AK5: variants seen among roughly 807,000 people sequenced by gnomAD.
AK5 encodes the protein adenylate kinase 5.
AK5 carries 27 observed loss-of-function variants against 69.5 expected under a neutral mutation model. That is an observed-to-expected ratio of 0.39 (90% confidence interval 0.29 to 0.54). The LOEUF is 0.54. Ranked by LOEUF, AK5 falls within the 20% of genes least tolerant of loss-of-function variation. The pLI is 0.71. For synonymous variants in AK5, 260 were observed against 244.4 expected, an observed-to-expected ratio of 1.06 and a Z score of -0.60; for missense variants, 531 against 700.4, an observed-to-expected ratio of 0.76 and a Z score of 2.73.
intron 10 of AK5, among the ~76,000 whole-genome samples, chr1:77,498,431 C>T (rs942829824): frequency 1.3e-5 from 2 of 152,158 alleles, no homozygotes; most frequent in Admixed American, 6.5e-5. Context: ...AAACGAGAGA[C>T]TCAAGGTCAT....
At chr1:77,284,532 A>C (rs1023950360) in intron 1 of AK5, among the ~76,000 whole-genome samples, 1 of 152,216 alleles carries the variant, frequency 6.6e-6, no homozygotes, top group Admixed American at 6.5e-5. Context: ...GGAATATGGG[A>C]TATCTCTGGT....
At chr1:77,423,081 C>T (rs566437877) in intron 8 of AK5, among the ~76,000 whole-genome samples, 11 of 151,808 alleles carry the variant, frequency 7.2e-5, no homozygotes, top group South Asian at 2.1e-4. Flanking sequence ...ATTAGCCGGG[C>T]GTGGTGGTGG....
intron 8 of AK5, among the ~76,000 whole-genome samples, chr1:77,473,498 A>C (rs1216074131): frequency 6.7e-6 from 1 of 149,654 alleles, no homozygotes; most frequent in Non-Finnish European, 1.5e-5. Context: ...GGATCTTCCA[A>C]ATCTACACTT....
At chr1:77,394,956 C>T (rs1197092858) in intron 6 of AK5, among the ~76,000 whole-genome samples, 3 of 152,102 alleles carry the variant, frequency 2.0e-5, no homozygotes. Context: ...TCTAAGAATA[C>T]TCAGGACAAG....
At chr1:77,381,235 G>A (rs571223594) in intron 6 of AK5, among the ~76,000 whole-genome samples, 25 of 152,110 alleles carry the variant, frequency 1.6e-4, no homozygotes, top group Non-Finnish European at 2.6e-4. Flanking sequence ...CTTCTACCCT[G>A]TGAAGTTATA....
chr1:77,437,181 G>C (rs1344248665), intron 8 of AK5, among the ~76,000 whole-genome samples: 2 of 152,026 alleles, frequency 1.3e-5, no homozygotes, highest in East Asian at 1.9e-4. Flanking sequence ...ATTTACCCAA[G>C]TCAGGTGAAC....
chr1:77,545,588 A>T (rs1431323590), intron 13 of AK5, among the ~76,000 whole-genome samples: 4 of 152,168 alleles, frequency 2.6e-5, no homozygotes, highest in Non-Finnish European at 5.9e-5. Flanking sequence ...GAGCTATTTT[A>T]AGCAAAGGCT....
chr1:77,374,666 A>G (rs1270749533), intron 6 of AK5, among the ~76,000 whole-genome samples: 3 of 152,190 alleles, frequency 2.0e-5, no homozygotes, highest in Non-Finnish European at 1.5e-5. Flanking sequence ...CACAAAATGT[A>G]AAAATTTAGC....
At position 77,475,401 on chromosome 1, in the gene AK5, A is replaced by ACTC. The variant is rs572889560; in HGVS notation, c.1060-7916_1060-7915insCTC. ...TATTATATATATGTATATATATAAT[A>ACTC]TATATGTATATATATACTATATATT... On this transcript the variant is annotated intron_variant, in intron 8 of 13. Transcript: ENST00000354567. 2.6e-4 allele frequency among the ~76,000 whole-genome samples: 2 copies of ACTC among 7,668 alleles called. 1 individual carries two copies. Among genetic ancestry groups the ACTC allele is most frequent in the East Asian group, 0.042 (2 of 48 alleles). The allele number at this position is 7,668 out of a possible 152,430, so 5.0% of individuals were successfully genotyped here.
At chr1:77,542,784 G>GT (rs11455000) in intron 13 of AK5, among the ~76,000 whole-genome samples, 3,953 of 152,036 alleles carry the variant, frequency 0.026, 118 homozygotes, top group South Asian at 0.11. Context: ...GTACATTTTG[G>GT]TTTTTTTCCA....
At chr1:77,288,950 G>A (rs1658520100) in intron 2 of AK5, among the ~76,000 whole-genome samples, 1 of 152,230 alleles carries the variant, frequency 6.6e-6, no homozygotes, top group East Asian at 1.9e-4. Flanking sequence ...AAGTCCTAAG[G>A]TAAGGTTGTG....
chr1:77,346,433 C>T (rs1427119239), intron 6 of AK5, among the ~76,000 whole-genome samples: 1 of 152,212 alleles, frequency 6.6e-6, no homozygotes, highest in Non-Finnish European at 1.5e-5. Context: ...GGTTAATTAT[C>T]ACCAACTCCA....
At chr1:77,537,916 G>C (rs1659058321) in intron 13 of AK5, among the ~76,000 whole-genome samples, 1 of 152,202 alleles carries the variant, frequency 6.6e-6, no homozygotes, top group African/African-American at 2.4e-5. Flanking sequence ...TGTGGCCTGA[G>C]AATGTTTGTC....
chr1:77,423,372 A>G (rs533829010), intron 8 of AK5, among the ~76,000 whole-genome samples: 77 of 152,130 alleles, frequency 5.1e-4, no homozygotes, highest in African/African-American at 1.8e-3. Context: ...TCTATAGCTG[A>G]CAGAGGCCAC....
chr1:77,413,987 A>G (rs547847796), intron 7 of AK5, among the ~76,000 whole-genome samples: 6 of 152,304 alleles, frequency 3.9e-5, no homozygotes, highest in African/African-American at 1.4e-4. Context: ...ATTGTAATGA[A>G]CACTTTCCAT....
intron 8 of AK5, among the ~76,000 whole-genome samples, chr1:77,474,462 G>T (rs1294920831): frequency 1.3e-5 from 2 of 152,192 alleles, no homozygotes; most frequent in Non-Finnish European, 2.9e-5. Context: ...TCATGTTGAG[G>T]AATAATGAAA....
In AK5 at chr1:77,535,950, C is replaced by T; in HGVS notation, c.1532C>T (p.Thr511Ile). Residue 511 changes from threonine to isoleucine, a missense_variant, in exon 13 of 14, where the codon ACC becomes ATC. Physicochemically the swap from Thr to Ile is moderately conservative, Grantham distance 89 (BLOSUM62 -1). Coordinates refer to ENST00000354567, the MANE Select transcript of AK5 (RefSeq NM_174858.3). ...AGCAGCCTGCCTGTGGACGACACCA[C>T]CAAGACCATCGCCAAGCGCCTAGAA... ...SRSSLPVDDTTKTIAKRLEAY... is the reference protein window; with the variant it reads ...SRSSLPVDDTIKTIAKRLEAY... 6.2e-7 allele frequency: 1 copy of T among 1,614,106 alleles called. No homozygotes were observed. Among genetic ancestry groups the T allele is most frequent in the Middle Eastern group, 1.6e-4 (1 of 6,062 alleles).
chr1:77,435,917 C>G (rs1342009269), intron 8 of AK5, among the ~76,000 whole-genome samples: 1 of 152,144 alleles, frequency 6.6e-6, no homozygotes, highest in South Asian at 2.1e-4. Flanking sequence ...ACACAAAACT[C>G]CTTTTATAAA....
intron 5 of AK5, among the ~76,000 whole-genome samples, chr1:77,303,225 C>G (rs564767430): frequency 1.3e-5 from 2 of 152,312 alleles, no homozygotes; most frequent in East Asian, 1.9e-4. Flanking sequence ...CTTTCCAACT[C>G]TAGAGCAACA....
Sources: allele counts gnomAD v4.1 joint callset (sites outside exome capture counted in the v4.1 genomes callset), GRCh38; gene constraint gnomAD v4.1.1; transcripts MANE v1.5; gene names NCBI Gene and HGNC (gene_info 2026-07-23, HGNC 2026-07-21).